Variants in SPECC1 observed in about 807,000 individuals in gnomAD.
The protein encoded by SPECC1 is cytospin-B.
A neutral mutation model predicts 104.1 loss-of-function variants in SPECC1; 62 were observed. The ratio of observed to expected loss-of-function variants is 0.60; its 90% CI spans 0.49 to 0.74. The LOEUF (loss-of-function observed/expected upper bound fraction) is 0.74, where lower values mean the gene tolerates loss of function less well. Among genes scored for constraint, SPECC1 ranks in the 30% least tolerant of loss-of-function variants. SPECC1 has a pLI of 0.00. For synonymous variants in SPECC1, 513 were observed against 501.6 expected, an observed-to-expected ratio of 1.02 and a Z score of -0.30; for missense variants, 1,306 against 1,310.5, an observed-to-expected ratio of 1.00 and a Z score of 0.05.
At chr17:20,270,050 G>A (rs2151629086) in intron 12 of SPECC1, among the ~76,000 whole-genome samples, 1 of 152,222 alleles carries the variant, frequency 6.6e-6, no homozygotes, top group South Asian at 2.1e-4. Flanking sequence ...GAAATATCCA[G>A]AATAGGCAAA....
intron 3 of SPECC1, among the ~76,000 whole-genome samples, chr17:20,166,737 C>CGAGA (rs1301861268): frequency 2.6e-5 from 4 of 152,282 alleles, no homozygotes; most frequent in Non-Finnish European, 4.4e-5. Flanking sequence ...TCACTCTTCT[C>CGAGA]TTTCCTCAGT....
Position 20,112,491 on chromosome 17 carries a change from A to G in SPECC1, c.283+1929A>G, listed in dbSNP as rs1410246255. 4.0e-5 allele frequency: 31 copies of G among 766,266 alleles called. No individual in the cohort carries two copies. In the East Asian group the frequency reaches 7.6e-4, roughly 19 times the overall value. The allele number at this position is 766,266 out of a possible 1,614,324, so 47.5% of individuals were successfully genotyped here. ...TCAGAACTGCGATGCCAAGGTTTGAACTTCAGTGGTGCTGATCTTTCTCAT... is the reference window on the plus strand; with the variant it reads ...TCAGAACTGCGATGCCAAGGTTTGAGCTTCAGTGGTGCTGATCTTTCTCAT... On this transcript the variant is annotated intron_variant, in intron 3 of 14. Coordinates refer to ENST00000395527, the MANE Select transcript of SPECC1 (RefSeq NM_001243439.2).
chr17:20,309,807 C>CTT (rs2041876952), intron 14 of SPECC1, among the ~76,000 whole-genome samples: 1 of 143,406 alleles, frequency 7.0e-6, no homozygotes, highest in African/African-American at 2.6e-5. Flanking sequence ...GGTTTTCTTT[C>CTT]TCCTTTTCTT....
intron 3 of SPECC1, among the ~76,000 whole-genome samples, chr17:20,144,822 A>C (rs569093709): frequency 6.6e-6 from 1 of 152,310 alleles, no homozygotes; most frequent in South Asian, 2.1e-4. Flanking sequence ...CAGTGGGCAG[A>C]TAATAGAGGT....
rs369710071 is a variant in SPECC1 at position 20,066,504 on chromosome 17, T to G, written c.-21-30127T>G. Among the ~76,000 whole-genome samples, 562 of 152,298 alleles carry G rather than the reference T, an allele frequency of 3.7e-3. 2 individuals are homozygous for G. The highest frequency in any genetic ancestry group is 0.025 in the South Asian group (119 of 4,828). ...TCCGGCTCCTGGAGCTTGGCTACCC[T>G]GATACTTCCCGGTCTCCCTGCAAAT... is the stretch of plus-strand genomic sequence containing the variant. On this transcript the variant is annotated intron_variant, in intron 1 of 14. Transcript: ENST00000395527.
chr17:20,241,459 G>A (rs2039198406), intron 7 of SPECC1, among the ~76,000 whole-genome samples: 1 of 152,142 alleles, frequency 6.6e-6, no homozygotes, highest in Non-Finnish European at 1.5e-5. Flanking sequence ...GCCCTCTAGG[G>A]TGGGGGACAT....
chr17:20,057,442 A>C (rs896321801), intron 1 of SPECC1, among the ~76,000 whole-genome samples: 2 of 152,156 alleles, frequency 1.3e-5, no homozygotes, highest in African/African-American at 4.8e-5. Flanking sequence ...CTCCATCTCA[A>C]AACAAACAAA....
intron 4 of SPECC1, among the ~76,000 whole-genome samples, chr17:20,226,228 G>A (rs1205533491): frequency 6.6e-6 from 1 of 152,208 alleles, no homozygotes; most frequent in Non-Finnish European, 1.5e-5. Context: ...TAGTCAAACA[G>A]TGGAATACTA....
intron 3 of SPECC1, among the ~76,000 whole-genome samples, chr17:20,132,344 C>T (rs2049689068): frequency 6.6e-6 from 1 of 152,082 alleles, no homozygotes; most frequent in African/African-American, 2.4e-5. Context: ...CTGTAGTTTG[C>T]ATTTTTTGTA....
chr17:20,047,799 G>A (rs140366125), intron 1 of SPECC1, among the ~76,000 whole-genome samples: 1,714 of 151,944 alleles, frequency 0.011, 33 homozygotes, highest in African/African-American at 0.034. Context: ...GGGTTTCACC[G>A]TGTTAGCCAG....
intron 13 of SPECC1, among the ~76,000 whole-genome samples, chr17:20,304,126 A>C (rs915718261): frequency 1.4e-5 from 2 of 146,636 alleles, no homozygotes; most frequent in African/African-American, 2.5e-5. Context: ...ACAAAAAAAA[A>C]AAAAAAAAAA....
intron 9 of SPECC1, 120 bp from the exon 10 acceptor site, chr17:20,253,385 T>G: frequency 1.1e-6 from 1 of 884,734 alleles, no homozygotes; most frequent in Non-Finnish European, 1.7e-6. Flanking sequence ...AAAACTCCCC[T>G]GGTTATTCCA....
chr17:20,022,270 C>T (rs542370714), intron 1 of SPECC1, among the ~76,000 whole-genome samples: 16 of 152,236 alleles, frequency 1.1e-4, no homozygotes, highest in Middle Eastern at 3.4e-3. Flanking sequence ...TTGCATCTGT[C>T]TGTTTACTAC....
In SPECC1 at chr17:20,193,009, C is replaced by G. The variant is rs1314654024; in HGVS notation, c.284-11324C>G. Among the ~76,000 whole-genome samples, 3 of 152,114 alleles carry G rather than the reference C, an allele frequency of 2.0e-5. No homozygotes were observed. The East Asian group carries it at 5.8e-4, about 29-fold the overall frequency. On this transcript the variant is annotated intron_variant, in intron 3 of 14. Coordinates refer to ENST00000395527, the MANE Select transcript of SPECC1 (RefSeq NM_001243439.2). Reference sequence around the variant, plus strand: ...GTAAAGGAATAAAAGAATGGCTACTCCATAGAGCAGCCCTGAGGGCTGCTG... The same window carrying G: ...GTAAAGGAATAAAAGAATGGCTACTGCATAGAGCAGCCCTGAGGGCTGCTG...
At chr17:20,142,792 C>A (rs1230834891) in intron 3 of SPECC1, among the ~76,000 whole-genome samples, 2 of 151,414 alleles carry the variant, frequency 1.3e-5, no homozygotes, top group Admixed American at 1.3e-4. Flanking sequence ...AGTTGAGATG[C>A]CAGCCTGGCT....
At chr17:20,120,686 T>A (rs556293585) in intron 3 of SPECC1, among the ~76,000 whole-genome samples, 2 of 152,338 alleles carry the variant, frequency 1.3e-5, no homozygotes, top group East Asian at 3.9e-4. Flanking sequence ...CATGGTATTA[T>A]CTATATTTTA....
intron 4 of SPECC1, among the ~76,000 whole-genome samples, chr17:20,208,334 T>A (rs984524200): frequency 6.6e-6 from 1 of 152,238 alleles, no homozygotes; most frequent in African/African-American, 2.4e-5. Context: ...CTGTCTTATG[T>A]GCACAGAGAC....
At chr17:20,037,980 G>C (rs535389671) in intron 1 of SPECC1, among the ~76,000 whole-genome samples, 25 of 151,936 alleles carry the variant, frequency 1.6e-4, no homozygotes, top group Non-Finnish European at 3.5e-4. Context: ...TTTCATATTG[G>C]GTGAGTTGTG....
intron 9 of SPECC1, 49 bp from the exon 10 acceptor site, chr17:20,253,456 T>C (rs2039706537): frequency 6.3e-7 from 1 of 1,580,650 alleles, no homozygotes; most frequent in Non-Finnish European, 8.7e-7. Context: ...GTTTGTGCTA[T>C]TCTTGATGTT....
Sources: gnomAD v4.1 joint callset for allele counts (sites outside exome capture counted in the v4.1 genomes callset) on GRCh38, gnomAD v4.1.1 for gene constraint, MANE v1.5 for transcripts, NCBI Gene and HGNC (gene_info 2026-07-23, HGNC 2026-07-21) for gene names.